RBFOX1: variants seen among roughly 807,000 people sequenced by gnomAD.
The protein encoded by RBFOX1 is RNA binding protein fox-1 homolog 1.
A neutral mutation model predicts 57.7 loss-of-function variants in RBFOX1; 8 were observed. The observed-to-expected ratio is 0.14, with a 90% CI of 0.08 to 0.25. The LOEUF (loss-of-function observed/expected upper bound fraction) is 0.25, where lower values mean the gene tolerates loss of function less well. Among genes scored for constraint, RBFOX1 ranks in the 10% least tolerant of loss-of-function variants. The pLI is 1.00. For synonymous variants in RBFOX1, 326 were observed against 222.4 expected, an observed-to-expected ratio of 1.47 and a Z score of -4.15; for missense variants, 611 against 548.5, an observed-to-expected ratio of 1.11 and a Z score of -1.14.
chr16:6,614,088 A>AT (rs1318668705), intron 2 of RBFOX1, among the ~76,000 whole-genome samples: 2 of 152,196 alleles, frequency 1.3e-5, no homozygotes, highest in Non-Finnish European at 2.9e-5. Flanking sequence ...TTGTTTGTAG[A>AT]TTTTATAACG....
intron 4 of RBFOX1, among the ~76,000 whole-genome samples, chr16:5,882,626 T>C (rs1393370872): frequency 6.6e-6 from 1 of 152,090 alleles, no homozygotes; most frequent in Admixed American, 6.6e-5. Context: ...GGTTCAACAT[T>C]TGAGGGGACA....
At position 6,176,760 on chromosome 16, in the gene RBFOX1, G is replaced by C. The variant is rs115369893; in HGVS notation, c.-126-140235G>C. Among the ~76,000 whole-genome samples the C allele has an allele frequency of 4.1e-3, 624 of 151,546 alleles. 3 individuals are homozygous for C. The highest frequency in any genetic ancestry group is 0.014 in the African/African-American group (594 of 41,280). ...TTACAAGCTAAAACCAGATAAACAT[G>C]TATTTAATTTTCTTAATAAGTGGAG... On this transcript the variant is annotated intron_variant, in intron 1 of 15. Coordinates refer to ENST00000550418, the MANE Select transcript of RBFOX1 (RefSeq NM_018723.4).
chr16:6,660,004 C>T (rs1180672001), intron 3 of RBFOX1, among the ~76,000 whole-genome samples: 1 of 151,914 alleles, frequency 6.6e-6, no homozygotes, highest in Non-Finnish European at 1.5e-5. Context: ...GGTGAGGCGG[C>T]CTCCAAGATC....
chr16:7,693,803 CTG>C (rs959446910), intron 14 of RBFOX1, among the ~76,000 whole-genome samples: 5 of 152,104 alleles, frequency 3.3e-5, no homozygotes, highest in Admixed American at 1.3e-4. Context: ...CTGTAAAAGA[CTG>C]AATCTATAAA....
chr16:6,396,723 A>G (rs1316552023), intron 2 of RBFOX1, among the ~76,000 whole-genome samples: 2 of 151,990 alleles, frequency 1.3e-5, no homozygotes, highest in African/African-American at 4.8e-5. Context: ...CCTTTTAAAT[A>G]AAACTTACTA....
chr16:6,847,954 C>T (rs1029656597), intron 3 of RBFOX1, among the ~76,000 whole-genome samples: 1 of 151,962 alleles, frequency 6.6e-6, no homozygotes, highest in African/African-American at 2.4e-5. Flanking sequence ...CTCAGCCTCC[C>T]AAATAGCTAA....
rs1035886106 is a variant in RBFOX1 at position 6,977,162 on chromosome 16, A to T, written c.-15-74895A>T. 2.7e-4 allele frequency among the ~76,000 whole-genome samples: 40 copies of T among 145,908 alleles called. 1 individual carries two copies. Among genetic ancestry groups the T allele is most frequent in the Non-Finnish European group, 7.5e-5 (5 of 67,018 alleles). On this transcript the variant is annotated intron_variant, in intron 3 of 15. Transcript: ENST00000550418. The stretch of plus-strand genomic sequence containing the variant: ...ATATTATATATATCATATATATCAT[A>T]TATTATCATATATAGATCATATATA...
chr16:5,648,788 G>T (rs1257940444), intron 3 of RBFOX1, among the ~76,000 whole-genome samples: 1 of 152,128 alleles, frequency 6.6e-6, no homozygotes, highest in Non-Finnish European at 1.5e-5. Flanking sequence ...TTTAGGCCAG[G>T]CACACTGGCT....
At chr16:5,250,670 G>A (rs533011929) in intron 1 of RBFOX1, among the ~76,000 whole-genome samples, 10 of 151,396 alleles carry the variant, frequency 6.6e-5, no homozygotes, top group Non-Finnish European at 1.5e-4. Context: ...TTCAGGCAGC[G>A]TGTCTTTGAC....
At chr16:6,204,285 T>C (rs964593475) in intron 1 of RBFOX1, among the ~76,000 whole-genome samples, 1 of 152,156 alleles carries the variant, frequency 6.6e-6, no homozygotes, top group Admixed American at 6.6e-5. Context: ...AATTTGGACA[T>C]GGATTGGTAA....
Position 7,413,555 on chromosome 16 carries a change from C to T in RBFOX1, c.28-104592C>T, listed in dbSNP as rs981389209. ...CTCTGTCTCCTTGTAAGGCTGCCATCCATTCCGCCATAGATTCCACGCTTT... is the reference window on the plus strand; with the variant it reads ...CTCTGTCTCCTTGTAAGGCTGCCATTCATTCCGCCATAGATTCCACGCTTT... On this transcript the variant is annotated intron_variant, in intron 4 of 15. Transcript: ENST00000550418. 2.0e-5 allele frequency among the ~76,000 whole-genome samples: 3 copies of T among 151,990 alleles called. No individual in the cohort carries two copies. In the South Asian group the frequency reaches 6.2e-4, roughly 32 times the overall value.
intron 3 of RBFOX1, among the ~76,000 whole-genome samples, chr16:5,846,181 TAAAA>T (rs60988421): frequency 7.6e-6 from 1 of 132,394 alleles, no homozygotes. Context: ...GGCACTGTCT[TAAAA>T]AAAAAAAAAA....
At chr16:5,296,282 G>A (rs1035230935) in intron 1 of RBFOX1, among the ~76,000 whole-genome samples, 16 of 151,876 alleles carry the variant, frequency 1.1e-4, no homozygotes, top group Middle Eastern at 3.4e-3. Flanking sequence ...ACTATGTTTC[G>A]GGTGGCCTCT....
chr16:7,519,534 A>G, intron 5 of RBFOX1: 1 of 221,630 alleles, frequency 4.5e-6, no homozygotes, highest in Non-Finnish European at 7.6e-6. Context: ...TCATTAATCA[A>G]ATATAACTCT....
intron 4 of RBFOX1, among the ~76,000 whole-genome samples, chr16:5,945,845 G>T (rs1207825831): frequency 1.3e-5 from 2 of 152,156 alleles, no homozygotes; most frequent in African/African-American, 4.8e-5. Flanking sequence ...TAGTGTGTGA[G>T]AAGTCTACTC....
chr16:5,770,461 C>G (rs1430238688), intron 3 of RBFOX1, among the ~76,000 whole-genome samples: 2 of 152,096 alleles, frequency 1.3e-5, no homozygotes, highest in African/African-American at 2.4e-5. Flanking sequence ...CACCCCTTTT[C>G]CAGGAAATTC....
intron 4 of RBFOX1, among the ~76,000 whole-genome samples, chr16:7,395,934 G>A (rs544560046): frequency 5.9e-5 from 9 of 152,056 alleles, no homozygotes; most frequent in African/African-American, 1.2e-4. Context: ...AAATATTGTC[G>A]CAAAATACAC....
chr16:6,797,145 A>G (rs907230697), intron 3 of RBFOX1, among the ~76,000 whole-genome samples: 5 of 152,186 alleles, frequency 3.3e-5, no homozygotes, highest in Admixed American at 1.3e-4. Flanking sequence ...TACTCTGCAG[A>G]TAGGCAGCAG....
intron 3 of RBFOX1, among the ~76,000 whole-genome samples, chr16:6,815,423 A>G (rs1032131748): frequency 1.4e-4 from 22 of 152,122 alleles, no homozygotes; most frequent in African/African-American, 5.3e-4. Flanking sequence ...ACCCCTTTTC[A>G]AGATGGAGTC....
Sources: gnomAD v4.1 joint callset for allele counts (sites outside exome capture counted in the v4.1 genomes callset) on GRCh38, gnomAD v4.1.1 for gene constraint, MANE v1.5 for transcripts, NCBI Gene and HGNC (gene_info 2026-07-23, HGNC 2026-07-21) for gene names.